Variants in PROM1 observed in about 807,000 individuals in gnomAD.
PROM1 encodes prominin 1.
PROM1 carries 105 observed loss-of-function variants against 116.9 expected under a neutral mutation model. That is an observed-to-expected ratio of 0.90 (90% CI 0.77 to 1.06). PROM1 has a LOEUF of 1.06. Among genes scored for constraint, PROM1 ranks in the 50% least tolerant of loss-of-function variants. The pLI, the probability that PROM1 is intolerant of heterozygous loss-of-function variation, is 0.00. For synonymous variants in PROM1, 393 were observed against 387.0 expected, an observed-to-expected ratio of 1.02 and a Z score of -0.18; for missense variants, 1,122 against 1,045.2, an observed-to-expected ratio of 1.07 and a Z score of -1.01.
intron 13 of PROM1, among the ~76,000 whole-genome samples, chr4:16,005,504 GTGTGTGTGT>G (rs1725232630): frequency 5.1e-5 from 1 of 19,580 alleles, no homozygotes; most frequent in Non-Finnish European, 2.1e-4. Context: ...TGGTGTGTGT[GTGTGTGTGT>G]GTGTGTGTGT....
chr4:16,039,839 T>C (rs377720113), intron 2 of PROM1, among the ~76,000 whole-genome samples: 1 of 152,336 alleles, frequency 6.6e-6, no homozygotes, highest in African/African-American at 2.4e-5. Context: ...AATACTCATT[T>C]AGAGTATTTG....
At chr4:15,993,254 C>T (rs980369658) in intron 16 of PROM1, among the ~76,000 whole-genome samples, 2 of 152,316 alleles carry the variant, frequency 1.3e-5, no homozygotes, top group East Asian at 3.9e-4. Flanking sequence ...CCCTTTGTTT[C>T]TGCTCTCATT....
At chr4:16,073,251 C>T (rs953646568) in intron 2 of PROM1, among the ~76,000 whole-genome samples, 2 of 152,182 alleles carry the variant, frequency 1.3e-5, no homozygotes, top group African/African-American at 2.4e-5. Flanking sequence ...CCACAGACGA[C>T]CTGTCCTGAA....
At chr4:16,004,963 CTTTTTTT>C in intron 13 of PROM1, among the ~76,000 whole-genome samples, 1 of 83,158 alleles carries the variant, frequency 1.2e-5, no homozygotes, top group East Asian at 3.3e-4. Context: ...CTCGCTCTCT[CTTTTTTT>C]TTTTTTTTTT....
Position 16,031,495 on chromosome 4 carries a change from C to T in PROM1, c.509+1809G>A, listed in dbSNP as rs1732682629. On this transcript the variant is annotated intron_variant, in intron 5 of 27. Coordinates refer to ENST00000447510, the MANE Select transcript of PROM1 (RefSeq NM_006017.3). ...ATATCAAATACAAAGCAGAGAGAGACAGGGACATTTGGAATGACCACTACT... is the reference window on the plus strand; with the variant it reads ...ATATCAAATACAAAGCAGAGAGAGATAGGGACATTTGGAATGACCACTACT... Among the ~76,000 whole-genome samples, 3 of 152,030 alleles carry T rather than the reference C, an allele frequency of 2.0e-5. No individual in the cohort carries two copies. The South Asian group carries it at 6.2e-4, about 32-fold the overall frequency.
chr4:15,986,486 T>A (rs564167748), intron 20 of PROM1, among the ~76,000 whole-genome samples: 2 of 152,184 alleles, frequency 1.3e-5, no homozygotes, highest in South Asian at 4.1e-4. Flanking sequence ...CCAACCCACA[T>A]GGCAGCTTGG....
chr4:16,046,233 T>C (rs1736520053), intron 2 of PROM1, among the ~76,000 whole-genome samples: 1 of 152,210 alleles, frequency 6.6e-6, no homozygotes, highest in African/African-American at 2.4e-5. Flanking sequence ...GGTGAAAATA[T>C]AAACATTTAC....
At chr4:16,044,058 C>A (rs918802021) in intron 2 of PROM1, among the ~76,000 whole-genome samples, 2 of 152,230 alleles carry the variant, frequency 1.3e-5, no homozygotes, top group Non-Finnish European at 2.9e-5. Flanking sequence ...GCTTCTCCAA[C>A]AGGCTGCGTG....
intron 15 of PROM1, among the ~76,000 whole-genome samples, chr4:15,994,646 C>T (rs1442923349): frequency 6.6e-6 from 1 of 152,154 alleles, no homozygotes; most frequent in Non-Finnish European, 1.5e-5. Flanking sequence ...CCTCACCTCA[C>T]CATGCCTCAA....
intron 14 of PROM1, among the ~76,000 whole-genome samples, chr4:15,999,526 G>T (rs59538142): frequency 0.027 from 4,050 of 152,080 alleles, 188 homozygotes; most frequent in African/African-American, 0.093. Flanking sequence ...TATTTAAGAT[G>T]GGCAAATCAA....
rs1726217003 is a variant in PROM1 at position 16,009,041 on chromosome 4, C to T, written c.1209G>A (p.Gln403=). The part of the protein sequence containing the change: ...IDNVTQRLPI[Q]DILSAFSVYV... ...AAACAGAGAATGCTGAGAGTATATCCTGAATAGGAAGACGCTGAGTTACAT... is the reference window on the plus strand; with the variant it reads ...AAACAGAGAATGCTGAGAGTATATCTTGAATAGGAAGACGCTGAGTTACAT... Residue 403 remains glutamine, a synonymous_variant, in exon 12 of 28, where the codon CAG becomes CAA. Coordinates refer to ENST00000447510, the MANE Select transcript of PROM1 (RefSeq NM_006017.3). 2 of 1,606,570 alleles carry T rather than the reference C, an allele frequency of 1.2e-6. No individual in the cohort carries two copies. Among genetic ancestry groups the T allele is most frequent in the Non-Finnish European group, 1.7e-6 (2 of 1,173,600 alleles).
Position 16,006,663 on chromosome 4 carries a change from A to G in PROM1, c.1329T>C (p.Ser443=). The change falls in exon 13 of 28, where the codon TCT becomes TCC. Residue 443 remains serine (S), a synonymous_variant. Coordinates refer to ENST00000447510, the MANE Select transcript of PROM1 (RefSeq NM_006017.3). ...AAAAAATCACGATGAGGGTCAGCAG[A>G]GAGCAGATGACCAGGCCACCCAGCC... is the stretch of plus-strand genomic sequence containing the variant. ...YWWLGGLVIC[S]LLTLIVIFYY... The G allele has an allele frequency of 6.2e-7, 1 of 1,613,246 alleles. No individual in the cohort carries two copies. The highest frequency in any genetic ancestry group is 8.5e-7 in the Non-Finnish European group (1 of 1,179,640).
At chr4:16,000,930 T>C (rs1723665655) in intron 13 of PROM1, among the ~76,000 whole-genome samples, 2 of 151,820 alleles carry the variant, frequency 1.3e-5, no homozygotes, top group Non-Finnish European at 2.9e-5. Flanking sequence ...GGGGATGTAC[T>C]GTATAGGGGC....
chr4:15,973,994 C>T (rs1262044999), intron 26 of PROM1, among the ~76,000 whole-genome samples: 4 of 152,168 alleles, frequency 2.6e-5, no homozygotes, highest in African/African-American at 7.2e-5. Context: ...TTTGTTTGCT[C>T]TCAAGCCTTT....
At chr4:15,971,114 C>T (rs1416483995) in intron 26 of PROM1, 32 bp from the exon 27 acceptor site, 1 of 1,538,990 alleles carries the variant, frequency 6.5e-7, no homozygotes, top group Non-Finnish European at 8.7e-7. Context: ...AAATATAATA[C>T]CCCCAACAAA....
intron 1 of PROM1, chr4:16,082,563 C>G (rs1173913721): frequency 2.6e-5 from 4 of 152,192 alleles, no homozygotes. Flanking sequence ...AGGCCTAGCT[C>G]CCTTCTGGGC....
At chr4:15,991,547 C>T (rs188671413) in intron 17 of PROM1, among the ~76,000 whole-genome samples, 4 of 151,234 alleles carry the variant, frequency 2.6e-5, no homozygotes, top group Admixed American at 2.6e-4. Flanking sequence ...ACAGCAAAAA[C>T]ATGCTCAGTG....
intron 2 of PROM1, among the ~76,000 whole-genome samples, chr4:16,039,480 G>A (rs947644898): frequency 1.6e-4 from 25 of 152,324 alleles, no homozygotes; most frequent in Admixed American, 9.8e-4. Flanking sequence ...GCTCACACCC[G>A]TAATCCCAGC....
intron 23 of PROM1, among the ~76,000 whole-genome samples, chr4:15,983,021 C>T (rs1041661461): frequency 2.0e-5 from 3 of 152,192 alleles, no homozygotes; most frequent in African/African-American, 4.8e-5. Flanking sequence ...TGCCAGACAA[C>T]AGGGACACAG....
Sources: gnomAD v4.1 joint callset for allele counts (sites outside exome capture counted in the v4.1 genomes callset) on GRCh38, gnomAD v4.1.1 for gene constraint, MANE v1.5 for transcripts, NCBI Gene and HGNC (gene_info 2026-07-23, HGNC 2026-07-21) for gene names.